Variants in PRCD observed in about 807,000 individuals in gnomAD.
The protein encoded by PRCD is photoreceptor disc component.
PRCD carries 12 observed loss-of-function variants against 10.1 expected under a neutral mutation model. That is an observed-to-expected ratio of 1.18 (90% CI 0.76 to 1.92). The LOEUF is 1.92. PRCD is among the 40% of genes most tolerant of loss of function. The probability of loss-of-function intolerance (pLI) is 0.00; values close to 1 mark genes in which losing one functional copy is unlikely to be tolerated. For missense variants in PRCD, 61 were observed against 72.2 expected (o/e 0.84, Z 0.56); for synonymous variants, 31 against 26.2 (o/e 1.18, Z -0.56).
rs1488538592 is a variant in PRCD, at chr17:76,531,797, A to AC, written n.45+3969dup. ...GAAGAAGTGGACCGCAGTGCTCCCC[A>AC]CCCCCGCACCGTCACTGTTTTCACT... On this transcript the variant is annotated intron_variant and non_coding_transcript_variant, in intron 1 of 4. Transcript: ENST00000397633. The surrounding 1 kb of genome is among the most constrained non-coding windows in gnomAD (Gnocchi z 7.4). 2 of 873,346 alleles carry AC rather than the reference A, an allele frequency of 2.3e-6. No individual in the cohort carries two copies. Among genetic ancestry groups the AC allele is most frequent in the East Asian group, 2.6e-5 (1 of 38,284 alleles). The allele number at this position is 873,346 out of a possible 1,614,324, so 54.1% of individuals were successfully genotyped here.
Position 76,529,740 on chromosome 17 carries a change from C to T in PRCD, n.45+1907C>T, listed in dbSNP as rs982695994. On this transcript the variant is annotated intron_variant and non_coding_transcript_variant, in intron 1 of 4. Transcript: ENST00000397633. ...CTGGTGGGGGGTGAGGGGGCAACCA[C>T]TGCTCTCCACGCCCTGCCAGTGCCC... 10 of 985,294 alleles carry T rather than the reference C, an allele frequency of 1.0e-5. No individual in the cohort carries two copies. The Admixed American group carries it at 5.5e-4, about 55-fold the overall frequency. The allele number at this position is 985,294 out of a possible 1,614,324, so 61.0% of individuals were successfully genotyped here. A position where few individuals can be genotyped will look rare whatever the true frequency, so the allele number is the denominator to read the frequency against.
At position 76,530,318 on chromosome 17, in the gene PRCD, C is replaced by A. The variant is rs572540249; in HGVS notation, n.45+2485C>A. On this transcript the variant is annotated intron_variant and non_coding_transcript_variant, in intron 1 of 4. Coordinates refer to the PRCD transcript ENST00000397633. The surrounding 1 kb of genome is among the most constrained non-coding windows in gnomAD (Gnocchi z 6.1). ...CATCTGGGGGCTAGCCCTCCCCTCA[C>A]GCTCCGAGTCAGCAGGAGTCACAGA... Among the ~76,000 whole-genome samples, 411 of 152,232 alleles carry A rather than the reference C, an allele frequency of 2.7e-3. 1 individual carries two copies. Among genetic ancestry groups the A allele is most frequent in the Middle Eastern group, 0.014 (4 of 294 alleles).
At chr17:76,541,167 T>C (rs1390118097) in intron 2 of PRCD, among the ~76,000 whole-genome samples, 1 of 152,192 alleles carries the variant, frequency 6.6e-6, no homozygotes, top group East Asian at 1.9e-4. Context: ...AGACTTTTCC[T>C]TCCCTGGGTG....
intron 1 of PRCD, among the ~76,000 whole-genome samples, chr17:76,532,963 G>A (rs2074865764): frequency 1.3e-5 from 2 of 152,236 alleles, no homozygotes; most frequent in African/African-American, 4.8e-5. Flanking sequence ...GCCTGGACCT[G>A]TTCTTCCAGG....
At chr17:76,547,844 CACACACACAG>C (rs1598218630), downstream of PRCD, among the ~76,000 whole-genome samples, 2 of 129,042 alleles carry the variant, frequency 1.5e-5, no homozygotes, top group African/African-American at 7.6e-5. Flanking sequence ...CACACATTCA[CACACACACAG>C]ACATACACAT....
chr17:76,531,328 C>T lies in PRCD; in HGVS notation n.45+3495C>T. On this transcript the variant is annotated intron_variant and non_coding_transcript_variant, in intron 1 of 4. Transcript: ENST00000397633. The surrounding 1 kb of genome is among the most constrained non-coding windows in gnomAD (Gnocchi z 7.4). ...CCAGCCCCTCCATCCTGCTGCCGGG[C>T]ACTGCCCCTCCCTCTCGCAGCCACT... 1 of 1,258,382 alleles carries T rather than the reference C, an allele frequency of 7.9e-7. No homozygotes were observed. The allele number at this position is 1,258,382 out of a possible 1,614,324, so 78.0% of individuals were successfully genotyped here. A position where few individuals can be genotyped will look rare whatever the true frequency, so the allele number is the denominator to read the frequency against.
intron 1 of PRCD, chr17:76,551,164 C>T (rs1255064072): frequency 6.6e-6 from 1 of 152,150 alleles, no homozygotes; most frequent in Non-Finnish European, 1.5e-5. Flanking sequence ...TAAGTACAAG[C>T]TGGAATTTGC....
At position 76,531,252 on chromosome 17, in the gene PRCD, G is replaced by A; in HGVS notation, n.45+3419G>A. 1.5e-6 allele frequency: 2 copies of A among 1,314,738 alleles called. No individual in the cohort carries two copies. The highest frequency in any genetic ancestry group is 2.1e-6 in the Non-Finnish European group (2 of 955,742). The allele number at this position is 1,314,738 out of a possible 1,614,324, so 81.4% of individuals were successfully genotyped here. ...CGAGAGGATCATTCCTAACGCAACA[G>A]TCTGGCAGCTTTGGGAACCCCGTGC... On this transcript the variant is annotated intron_variant and non_coding_transcript_variant, in intron 1 of 4. Coordinates refer to the PRCD transcript ENST00000397633. The surrounding 1 kb of genome is among the most constrained non-coding windows in gnomAD (Gnocchi z 7.4).
At chr17:76,535,764 G>A (rs190696835), upstream of PRCD, among the ~76,000 whole-genome samples, 1 of 152,216 alleles carries the variant, frequency 6.6e-6, no homozygotes, top group Non-Finnish European at 1.5e-5. Context: ...TTCTCCCTTG[G>A]CATCTGCCCT....
chr17:76,542,269 A>G (rs1044595337), intron 2 of PRCD, among the ~76,000 whole-genome samples: 10 of 152,208 alleles, frequency 6.6e-5, no homozygotes, highest in African/African-American at 1.2e-4. Flanking sequence ...ACTTAGCCAG[A>G]AGGAAGCAGT....
Position 76,540,342 on chromosome 17 carries a change from G to A in PRCD, c.74+127G>A. On this transcript the variant is annotated intron_variant, in intron 1 of 4. Transcript: ENST00000592014. The surrounding 1 kb of genome is among the most constrained non-coding windows in gnomAD (Gnocchi z 5.0). ...CAGCGGGGCTGGGAGGGCATTTTGA[G>A]GAACCCTTGAGAGAGCACAGTCTCA... 7.6e-7 allele frequency: 1 copy of A among 1,319,674 alleles called. No homozygotes were observed. 81.7% of individuals were successfully genotyped at this position (1,319,674 alleles called of 1,614,324 possible).
Position 76,533,334 on chromosome 17 carries a change from T to C in PRCD, n.45+5501T>C, listed in dbSNP as rs192081019. Among the ~76,000 whole-genome samples, 1 of 152,330 alleles carries C rather than the reference T, an allele frequency of 6.6e-6. No homozygotes were observed. The highest frequency in any genetic ancestry group is 1.9e-4 in the East Asian group (1 of 5,186). On this transcript the variant is annotated intron_variant and non_coding_transcript_variant, in intron 1 of 4. Coordinates refer to the PRCD transcript ENST00000397633. The surrounding 1 kb of genome is among the most constrained non-coding windows in gnomAD (Gnocchi z 4.5). ...CGACGGGTCTGAAAATACATTGAAT[T>C]TTCTGGAGAAGCACTGTAATGAGGG...
At chr17:76,542,014 A>C (rs1476452847) in intron 2 of PRCD, among the ~76,000 whole-genome samples, 1 of 152,150 alleles carries the variant, frequency 6.6e-6, no homozygotes. Flanking sequence ...GTCACTCGGG[A>C]GGCTCAGTAA....
chr17:76,540,114 G>C lies in PRCD; in HGVS notation c.-28G>C. 1 of 1,588,572 alleles carries C rather than the reference G, an allele frequency of 6.3e-7. No individual in the cohort carries two copies. The highest frequency in any genetic ancestry group is 8.6e-7 in the Non-Finnish European group (1 of 1,167,550). On this transcript the variant is annotated 5_prime_UTR_variant, in exon 1 of 5. Transcript: ENST00000592014. This position sits in a 1 kb window ranked among gnomAD's most constrained non-coding sequence, Gnocchi z 5.0. ...TCGCCTGTGGCCTTCTGCAGACTTGGCCTGGGAGGGGATGGGGCAGCTGCG... is the reference window on the plus strand; with the variant it reads ...TCGCCTGTGGCCTTCTGCAGACTTGCCCTGGGAGGGGATGGGGCAGCTGCG...
At chr17:76,548,925 G>C (rs1293788526), downstream of PRCD, among the ~76,000 whole-genome samples, 1 of 152,208 alleles carries the variant, frequency 6.6e-6, no homozygotes, top group East Asian at 1.9e-4. Context: ...GTGCCTTGGG[G>C]AGGGGAAACC....
In PRCD at chr17:76,544,615, G is replaced by A. The variant is rs772450789; in HGVS notation, c.*965G>A. 2.0e-5 allele frequency: 9 copies of A among 456,774 alleles called. No homozygotes were observed. Among genetic ancestry groups the A allele is most frequent in the Middle Eastern group, 3.3e-4 (1 of 3,066 alleles). The allele number at this position is 456,774 out of a possible 1,614,324, so 28.3% of individuals were successfully genotyped here. ...TGACCCAGGCCGTGAGCCCGTGATCGCCTGTCTCAGCTCCTGTCAGCCTGT... is the reference window on the plus strand; with the variant it reads ...TGACCCAGGCCGTGAGCCCGTGATCACCTGTCTCAGCTCCTGTCAGCCTGT... On this transcript the variant is annotated 3_prime_UTR_variant, in exon 5 of 5. Coordinates refer to ENST00000592014, the MANE Select transcript of PRCD (RefSeq NM_001077620.3).
At chr17:76,532,655 C>T (rs1026329626) in intron 1 of PRCD, among the ~76,000 whole-genome samples, 1 of 151,722 alleles carries the variant, frequency 6.6e-6, no homozygotes, top group African/African-American at 2.4e-5. Flanking sequence ...CCTCAGCTTC[C>T]TGAGTAGCTG....
At chr17:76,534,140 TTCTC>T (rs2074885102) in intron 1 of PRCD, among the ~76,000 whole-genome samples, 3 of 102,318 alleles carry the variant, frequency 2.9e-5, no homozygotes, top group Non-Finnish European at 6.5e-5. Context: ...CTCTCTCTCT[TTCTC>T]TTTCTCTCTC....
upstream of PRCD, among the ~76,000 whole-genome samples, chr17:76,538,935 T>C (rs1304381340): frequency 6.6e-6 from 1 of 152,252 alleles, no homozygotes; most frequent in African/African-American, 2.4e-5. Flanking sequence ...CATGTATTTA[T>C]TCTTAAAATC....
Sources: gnomAD v4.1 joint callset for allele counts (sites outside exome capture counted in the v4.1 genomes callset) on GRCh38, gnomAD v4.1.1 for gene constraint, Gnocchi (gnomAD v3.1) non-coding constraint, MANE v1.5 for transcripts, NCBI Gene and HGNC (gene_info 2026-07-23, HGNC 2026-07-21) for gene names.